Variants in HDAC9 observed in about 807,000 individuals in gnomAD.
HDAC9 encodes the protein MEF-2 interacting transcription repressor (MITR) protein.
HDAC9 carries 41 observed loss-of-function variants against 139.4 expected under a neutral mutation model. The ratio of observed to expected loss-of-function variants is 0.29; its 90% confidence interval spans 0.23 to 0.38. HDAC9 has a LOEUF of 0.38. Among genes scored for constraint, HDAC9 ranks in the 10% least tolerant of loss-of-function variants. The pLI is 1.00. For missense variants in HDAC9, 1,147 were observed against 1,297.0 expected, an observed-to-expected ratio of 0.88 and a Z score of 1.78; for synonymous variants, 517 against 476.2, an observed-to-expected ratio of 1.09 and a Z score of -1.12.
At chr7:18,191,491 C>T (rs1038931384) in intron 2 of HDAC9, among the ~76,000 whole-genome samples, 4 of 152,204 alleles carry the variant, frequency 2.6e-5, no homozygotes, top group Admixed American at 1.3e-4. Context: ...CCAGAGAACT[C>T]TCTTTGAATA....
At chr7:18,575,282 A>G (rs2128754652) in intron 2 of HDAC9, among the ~76,000 whole-genome samples, 1 of 152,338 alleles carries the variant, frequency 6.6e-6, no homozygotes, top group African/African-American at 2.4e-5. Flanking sequence ...ATTAACTTTA[A>G]AAGGATTTAC....
intron 2 of HDAC9, among the ~76,000 whole-genome samples, chr7:18,516,089 T>G (rs945621380): frequency 1.3e-5 from 2 of 152,200 alleles, no homozygotes; most frequent in African/African-American, 4.8e-5. Context: ...TAAAATTTTT[T>G]GGGTTGTTTT....
chr7:18,124,257 C>G (rs1160655957), intron 1 of HDAC9, among the ~76,000 whole-genome samples: 5 of 152,178 alleles, frequency 3.3e-5, no homozygotes, highest in African/African-American at 1.2e-4. Context: ...TGAATGTTAT[C>G]TATGTCTTTT....
intron 8 of HDAC9, among the ~76,000 whole-genome samples, chr7:18,642,801 G>A (rs773078441): frequency 6.6e-6 from 1 of 151,968 alleles, no homozygotes; most frequent in Non-Finnish European, 1.5e-5. Flanking sequence ...TTTAAGTCTG[G>A]TTCCTGTGAT....
chr7:18,426,449 A>G (rs1790123798), intron 1 of HDAC9, among the ~76,000 whole-genome samples: 1 of 152,224 alleles, frequency 6.6e-6, no homozygotes, highest in African/African-American at 2.4e-5. Context: ...TTATCCAGGG[A>G]TAGCTATATA....
intron 21 of HDAC9, among the ~76,000 whole-genome samples, chr7:18,865,677 T>C (rs1798438492): frequency 6.6e-6 from 1 of 152,306 alleles, no homozygotes; most frequent in African/African-American, 2.4e-5. Context: ...GGAATCTGTA[T>C]AGACAGTTCT....
intron 1 of HDAC9, among the ~76,000 whole-genome samples, chr7:18,371,470 A>T (rs937609091): frequency 3.3e-5 from 5 of 152,166 alleles, no homozygotes; most frequent in African/African-American, 1.2e-4. Context: ...TATCTCACTG[A>T]TTCTAACATT....
At chr7:18,903,730 T>C (rs1801944828) in intron 22 of HDAC9, among the ~76,000 whole-genome samples, 1 of 152,218 alleles carries the variant, frequency 6.6e-6, no homozygotes, top group African/African-American at 2.4e-5. Flanking sequence ...TAAGCCCTGA[T>C]AAAATGAAGC....
intron 1 of HDAC9, among the ~76,000 whole-genome samples, chr7:18,391,213 C>T (rs990411547): frequency 1.3e-5 from 2 of 150,306 alleles, no homozygotes; most frequent in African/African-American, 2.4e-5. Context: ...GGTGAAACCC[C>T]GTCTCTACTA....
intron 2 of HDAC9, among the ~76,000 whole-genome samples, chr7:18,522,666 T>A (rs955048791): frequency 7.9e-5 from 12 of 152,002 alleles, no homozygotes; most frequent in Non-Finnish European, 1.5e-4. Context: ...GCCTCTCTTA[T>A]TTCTTGTCCT....
rs556584068 is a variant in HDAC9 at position 18,866,663 on chromosome 7, T to C, written c.2685-7815T>C. On this transcript the variant is annotated intron_variant, in intron 21 of 25. Transcript: ENST00000686413. Reference sequence around the variant, plus strand: ...TTACTTCTAAATGAATATAAAAATATTGTTGAGTAACTTTATAAGTTAAGA... The same window carrying C: ...TTACTTCTAAATGAATATAAAAATACTGTTGAGTAACTTTATAAGTTAAGA... Among the ~76,000 whole-genome samples the C allele has an allele frequency of 2.0e-5, 3 of 152,346 alleles. No individual in the cohort carries two copies. The South Asian group carries it at 6.2e-4, about 32-fold the overall frequency.
At chr7:18,232,764 C>G (rs1793549632) in intron 2 of HDAC9, among the ~76,000 whole-genome samples, 1 of 152,158 alleles carries the variant, frequency 6.6e-6, no homozygotes, top group Non-Finnish European at 1.5e-5. Flanking sequence ...ACCCCAAATA[C>G]TGTAGAGCCA....
intron 6 of HDAC9, among the ~76,000 whole-genome samples, chr7:18,613,212 C>G (rs1837655609): frequency 6.6e-6 from 1 of 151,438 alleles, no homozygotes; most frequent in African/African-American, 2.4e-5. Flanking sequence ...TTGGAAAGAA[C>G]AGTCCATTAG....
At position 18,203,582 on chromosome 7, in the gene HDAC9, G is replaced by A. The variant is rs182206366; in HGVS notation, c.25+41233G>A. 3.5e-3 allele frequency among the ~76,000 whole-genome samples: 529 copies of A among 152,280 alleles called. 2 individuals carry two copies. Among genetic ancestry groups the A allele is most frequent in the Non-Finnish European group, 5.7e-3 (390 of 68,028 alleles). The stretch of plus-strand genomic sequence containing the variant: ...TATGTGGGTAGGCAAATTCCATCAT[G>A]AAAGGAATAATGAAGGAACAGTTTT... On this transcript the variant is annotated intron_variant, in intron 2 of 12. Coordinates refer to the HDAC9 transcript ENST00000417496.
intron 1 of HDAC9, among the ~76,000 whole-genome samples, chr7:18,398,271 A>T (rs1167781062): frequency 6.6e-6 from 1 of 152,226 alleles, no homozygotes; most frequent in South Asian, 2.1e-4. Flanking sequence ...GCATGATTTA[A>T]TAATGAACAA....
chr7:18,584,148 T>C (rs547336811), intron 2 of HDAC9, among the ~76,000 whole-genome samples: 1 of 144,908 alleles, frequency 6.9e-6, no homozygotes, highest in South Asian at 2.3e-4. Context: ...TTCTTTTTTT[T>C]TTTTTTTTTT....
chr7:18,138,947 T>C (rs982075197), intron 1 of HDAC9, among the ~76,000 whole-genome samples: 2 of 152,154 alleles, frequency 1.3e-5, no homozygotes, highest in African/African-American at 4.8e-5. Flanking sequence ...GCTATGATTA[T>C]GTTTATGCTT....
intron 22 of HDAC9, among the ~76,000 whole-genome samples, chr7:18,883,282 AC>A (rs543096554): frequency 4.3e-4 from 65 of 152,234 alleles, no homozygotes; most frequent in African/African-American, 1.4e-3. Context: ...TCAGAAAAAA[AC>A]GTCTCAACAA....
Position 18,666,443 on chromosome 7 carries a change from G to T in HDAC9, c.1698G>T (p.Met566Ile). ...DSDEDAQIQE[M>I]ESGEQAAFMQ... is the part of the protein sequence containing the mutation. ...ATGAAGATGCTCAGATCCAGGAAATGGAATCTGGGGAGCAGGCTGCTTTTA... is the reference window on the plus strand; with the variant it reads ...ATGAAGATGCTCAGATCCAGGAAATTGAATCTGGGGAGCAGGCTGCTTTTA... Residue 566 changes from methionine to isoleucine, a missense_variant, in exon 12 of 26, where the codon ATG (methionine) becomes ATT (isoleucine). Met to Ile is a conservative substitution (Grantham distance 10). This residue lies in a region of HDAC9 where 256 missense variants were observed against 219.2 expected (regional missense o/e 1.17). Coordinates refer to ENST00000686413, the MANE Select transcript of HDAC9 (RefSeq NM_178425.4). 6.2e-7 allele frequency: 1 copy of T among 1,611,464 alleles called. No individual in the cohort carries two copies. The highest frequency in any genetic ancestry group is 8.5e-7 in the Non-Finnish European group (1 of 1,178,598).
Sources: allele counts gnomAD v4.1 joint callset (sites outside exome capture counted in the v4.1 genomes callset), GRCh38; gene constraint gnomAD v4.1.1; regional missense constraint gnomAD v4.1.1; transcripts MANE v1.5; gene names NCBI Gene and HGNC (gene_info 2026-07-23, HGNC 2026-07-21).